The following SH3BP4 variants were observed in gnomAD, a reference collection of about 807,000 sequenced individuals.
SH3BP4 encodes SH3 domain binding protein 4.
SH3BP4 carries 33 observed loss-of-function variants against 65.5 expected under a neutral mutation model. The ratio of observed to expected loss-of-function variants is 0.50; its 90% CI spans 0.38 to 0.67. SH3BP4 has a LOEUF of 0.67. Among genes scored for constraint, SH3BP4 ranks in the 30% least tolerant of loss-of-function variants. The probability of loss-of-function intolerance (pLI) is 0.00; values close to 1 mark genes in which losing one functional copy is unlikely to be tolerated. For missense variants in SH3BP4, 1,134 were observed against 1,261.4 expected (o/e 0.90, Z 1.53); for synonymous variants, 552 against 545.5 (o/e 1.01, Z -0.17).
At chr2:235,036,976 G>A (rs1695407191) in intron 3 of SH3BP4, among the ~76,000 whole-genome samples, 1 of 152,026 alleles carries the variant, frequency 6.6e-6, no homozygotes, top group Admixed American at 6.5e-5. Context: ...TGTGACCCAG[G>A]CAGTTTGCTA....
At chr2:234,954,618 G>C in intron 1 of SH3BP4, among the ~76,000 whole-genome samples, 1 of 152,214 alleles carries the variant, frequency 6.6e-6, no homozygotes, top group East Asian at 1.9e-4. Flanking sequence ...TAATCCGGCA[G>C]CCTGGAATTA....
At chr2:234,965,898 G>C (rs112528087) in intron 1 of SH3BP4, among the ~76,000 whole-genome samples, 4 of 152,340 alleles carry the variant, frequency 2.6e-5, no homozygotes, top group African/African-American at 9.6e-5. Context: ...GTCCTCTTGT[G>C]CTACTAGGAT....
chr2:235,003,969 G>A (rs1354236651), intron 2 of SH3BP4, among the ~76,000 whole-genome samples: 1 of 152,170 alleles, frequency 6.6e-6, no homozygotes, highest in Non-Finnish European at 1.5e-5. Context: ...CATTGCTCCA[G>A]TGGGACTGCA....
chr2:234,957,862 C>T (rs903031865), intron 1 of SH3BP4, among the ~76,000 whole-genome samples: 2 of 152,044 alleles, frequency 1.3e-5, no homozygotes, highest in Non-Finnish European at 2.9e-5. Context: ...CCTTGCAGAG[C>T]AGGGAATGTT....
In SH3BP4 at chr2:235,027,122, T is replaced by C. The variant is rs555772112; in HGVS notation, c.-132-7749T>C. Among the ~76,000 whole-genome samples, 26 of 152,358 alleles carry C rather than the reference T, an allele frequency of 1.7e-4. No homozygotes were observed. In the South Asian group the frequency reaches 3.5e-3, roughly 21 times the overall value. ...CTGGGCTGGTCCTCGCCCTGAGTCG[T>C]AGCCTTGCATTCCCTGCCAAGCCAC... On this transcript the variant is annotated intron_variant, in intron 2 of 5. Transcript: ENST00000392011.
intron 1 of SH3BP4, among the ~76,000 whole-genome samples, chr2:234,962,055 G>T (rs1331364579): frequency 6.6e-6 from 1 of 152,198 alleles, no homozygotes; most frequent in Non-Finnish European, 1.5e-5. Context: ...GTGGGGTGGG[G>T]AGGTGATAAC....
intron 2 of SH3BP4, among the ~76,000 whole-genome samples, chr2:235,020,367 C>G (rs773160090): frequency 2.5e-4 from 38 of 152,140 alleles, no homozygotes; most frequent in Non-Finnish European, 4.6e-4. Context: ...CGTGGTGGCG[C>G]GTGCCTGTAA....
intron 4 of SH3BP4, among the ~76,000 whole-genome samples, chr2:235,049,325 C>G (rs1695972756): frequency 1.3e-5 from 2 of 152,160 alleles, no homozygotes; most frequent in South Asian, 4.1e-4. Context: ...AGGAATGACT[C>G]GAGTCAGAAG....
intron 1 of SH3BP4, among the ~76,000 whole-genome samples, chr2:234,964,256 A>C (rs966671156): frequency 1.3e-5 from 2 of 151,398 alleles, no homozygotes; most frequent in African/African-American, 4.9e-5. Context: ...TGTGGAGGAC[A>C]CCTTCAGGAG....
chr2:235,036,740 A>AAAAAAAAATAATAATAATAAT (rs146049108), intron 3 of SH3BP4, among the ~76,000 whole-genome samples: 1,575 of 141,722 alleles, frequency 0.011, 23 homozygotes, highest in African/African-American at 0.017. Flanking sequence ...TCTATATAAA[A>AAAAAAAAATAATAATAATAAT]AATAATAATA....
At position 235,042,557 on chromosome 2, in the gene SH3BP4, C is replaced by G. The variant is rs1695702930; in HGVS notation, c.1788C>G (p.Asp596Glu). Reference protein sequence around the residue: ...DFTLRVQVKDDQEAILTQFCV... With the variant: ...DFTLRVQVKDEQEAILTQFCV... ...CGCTGCGGGTTCAGGTGAAGGACGA[C>G]CAGGAGGCCATCCTCACCCAGTTTT... The change falls in exon 4 of 6, where the codon GAC becomes GAG. Residue 596 changes from aspartate to glutamate, a missense_variant. By Grantham distance (45) the Asp-to-Glu change is conservative. Transcript: ENST00000392011. This position sits in a 1 kb window ranked among gnomAD's most constrained non-coding sequence, Gnocchi z 7.3. The G allele has an allele frequency of 1.9e-6, 3 of 1,614,150 alleles. No individual in the cohort carries two copies. The highest frequency in any genetic ancestry group is 2.5e-6 in the Non-Finnish European group (3 of 1,180,038).
rs940656044 is a variant in SH3BP4, at chr2:235,055,568, A to G, written c.*1752A>G. On this transcript the variant is annotated 3_prime_UTR_variant, in exon 6 of 6. Transcript: ENST00000392011. ...TGGATATTTTTTCCTCAGGGGCTTT[A>G]AATAGTTTCCTATGCAACGTGTCTT... 2 of 152,650 alleles carry G rather than the reference A, an allele frequency of 1.3e-5. No individual in the cohort carries two copies. Among genetic ancestry groups the G allele is most frequent in the Admixed American group, 1.3e-4 (2 of 15,284 alleles). 9.5% of individuals were successfully genotyped at this position (152,650 alleles called of 1,614,324 possible).
intron 2 of SH3BP4, among the ~76,000 whole-genome samples, chr2:235,032,054 G>A (rs59483674): frequency 0.092 from 13,975 of 152,242 alleles, 2,074 homozygotes; most frequent in African/African-American, 0.31. Context: ...GGTGGCCGAG[G>A]CAACCCTTTC....
rs79192381 is a variant in SH3BP4 at position 235,043,115 on chromosome 2, G to A, written c.2346G>A (p.Pro782=). 3.6e-3 allele frequency: 5,813 copies of A among 1,613,712 alleles called. 173 individuals are homozygous for A. In the African/African-American group the frequency reaches 0.068, roughly 19 times the overall value. The change falls in exon 4 of 6, where the codon CCG becomes CCA. Residue 782 remains proline, a synonymous_variant. Transcript: ENST00000392011. ...FADALGYVNL[P]LTFFCRAELD... ...ACGCCCTGGGCTACGTGAACCTGCC[G>A]CTCACCTTTTTCTGCCGGGCAGAGC... is the stretch of plus-strand genomic sequence containing the variant.
At chr2:234,982,915 C>T (rs1019369038) in intron 1 of SH3BP4, among the ~76,000 whole-genome samples, 4 of 152,112 alleles carry the variant, frequency 2.6e-5, no homozygotes, top group African/African-American at 7.2e-5. Flanking sequence ...GGGGATAATA[C>T]AATGATGATG....
intron 1 of SH3BP4, among the ~76,000 whole-genome samples, chr2:234,956,146 T>C (rs1399388695): frequency 6.6e-6 from 1 of 152,136 alleles, no homozygotes; most frequent in East Asian, 1.9e-4. Context: ...AGGCAGCCAT[T>C]TTGCACCTTT....
Position 235,041,864 on chromosome 2 carries a change from G to GCTCA in SH3BP4, c.1096_1099dup (p.Asn367ThrfsTer4). On this transcript the variant is annotated frameshift_variant, in exon 4 of 6. Coordinates refer to ENST00000392011, the MANE Select transcript of SH3BP4 (RefSeq NM_014521.3). LOFTEE classifies it high-confidence loss of function. The surrounding 1 kb of genome is among the most constrained non-coding windows in gnomAD (Gnocchi z 6.0). ...AAGCCCTGCTGGACCCCCCGCTGGA[G>GCTCA]CTCAACAGTGACAGGTCCTGCAGCA... The GCTCA allele has an allele frequency of 6.2e-7, 1 of 1,610,432 alleles. No individual in the cohort carries two copies. Among genetic ancestry groups the GCTCA allele is most frequent in the Non-Finnish European group, 8.5e-7 (1 of 1,177,726 alleles).
Position 234,965,491 on chromosome 2 carries a change from T to C in SH3BP4, c.-207+13321T>C, listed in dbSNP as rs539965597. Among the ~76,000 whole-genome samples, 38 of 152,354 alleles carry C rather than the reference T, an allele frequency of 2.5e-4. No individual in the cohort carries two copies. In the South Asian group the frequency reaches 2.7e-3, roughly 11 times the overall value. ...CTAATCCCATCTCTTCTGTGAAAAC[T>C]TGAATACAACCTTTTGCAATAGGAA... On this transcript the variant is annotated intron_variant, in intron 1 of 5. Transcript: ENST00000392011.
chr2:234,960,119 T>C (rs72985435), intron 1 of SH3BP4, among the ~76,000 whole-genome samples: 15,760 of 152,298 alleles, frequency 0.1, 940 homozygotes, highest in East Asian at 0.23. Context: ...GGGTACGGTA[T>C]TCAGATCTAA....
Sources: allele counts gnomAD v4.1 joint callset (sites outside exome capture counted in the v4.1 genomes callset), GRCh38; gene constraint gnomAD v4.1.1; non-coding constraint Gnocchi (gnomAD v3.1); transcripts MANE v1.5; gene names NCBI Gene and HGNC (gene_info 2026-07-23, HGNC 2026-07-21).